Variants in EDDM13 observed in about 807,000 individuals in gnomAD.
EDDM13 encodes the protein epididymal protein 13.
Under a neutral mutation model 17.8 loss-of-function variants are expected in EDDM13, and 24 were observed. The observed-to-expected ratio is 1.35, with a 90% confidence interval of 0.98 to 1.90. The LOEUF is 1.90. EDDM13 is among the 40% of genes most tolerant of loss of function. The pLI is 0.00. For synonymous variants in EDDM13, 31 were observed against 37.5 expected, an observed-to-expected ratio of 0.83 and a Z score of 0.63; for missense variants, 97 against 100.8, an observed-to-expected ratio of 0.96 and a Z score of 0.16.
intron 2 of EDDM13, among the ~76,000 whole-genome samples, chr19:56,280,072 A>G (rs141857192): frequency 5.0e-4 from 76 of 152,306 alleles, no homozygotes; most frequent in African/African-American, 1.8e-3. Flanking sequence ...AAAGAATCTG[A>G]TATTAATTAT....
intron 2 of EDDM13, among the ~76,000 whole-genome samples, chr19:56,278,391 C>T (rs1291004346): frequency 6.6e-6 from 1 of 152,166 alleles, no homozygotes; most frequent in Non-Finnish European, 1.5e-5. Flanking sequence ...ACCTCGGTCT[C>T]CCAAAGTGCT....
chr19:56,306,294 C>T (rs2040683314), intron 14 of EDDM13, among the ~76,000 whole-genome samples: 1 of 152,086 alleles, frequency 6.6e-6, no homozygotes, highest in South Asian at 2.1e-4. Flanking sequence ...CTGGCCTCTC[C>T]CGCATCGCCA....
In EDDM13 at chr19:56,301,795, G is replaced by C. The variant is rs563963828; in HGVS notation, c.296-173G>C. 28 of 606,436 alleles carry C rather than the reference G, an allele frequency of 4.6e-5. No homozygotes were observed. The East Asian group carries it at 9.2e-4, about 20-fold the overall frequency. 37.6% of individuals were successfully genotyped at this position (606,436 alleles called of 1,614,324 possible). Reference sequence around the variant, plus strand: ...CTGACTGTTTGTCTGGAGTATGGTGGTAACCAAGAAGGGGGAAGCTGGCAG... The same window carrying C: ...CTGACTGTTTGTCTGGAGTATGGTGCTAACCAAGAAGGGGGAAGCTGGCAG... On this transcript the variant is annotated intron_variant, in intron 12 of 14. Transcript: ENST00000649256.
chr19:56,295,024 GGT>G (rs1476702967), intron 9 of EDDM13: 1 of 152,230 alleles, frequency 6.6e-6, no homozygotes, highest in Non-Finnish European at 1.5e-5. Flanking sequence ...AGGGGCACCA[GGT>G]TTGGAGGCAA....
At chr19:56,294,334 G>A (rs1352644775) in intron 9 of EDDM13, among the ~76,000 whole-genome samples, 2 of 152,224 alleles carry the variant, frequency 1.3e-5, no homozygotes, top group Non-Finnish European at 2.9e-5. Context: ...GAGTTTTAAG[G>A]CAAAGAGGCC....
rs556110139 is a variant in EDDM13, at chr19:56,286,377, C to T, written c.154+1353C>T. ...AAAACACTGCCCCCCATATTTTTTT[C>T]ACAGACGGACTGAACCCCAACAGGT... On this transcript the variant is annotated intron_variant, in intron 6 of 14. Coordinates refer to ENST00000649256, the MANE Select transcript of EDDM13 (RefSeq NM_001354658.2). The T allele has an allele frequency of 3.3e-5, 5 of 152,146 alleles. No individual in the cohort carries two copies. The South Asian group carries it at 8.3e-4, about 25-fold the overall frequency. 9.4% of individuals were successfully genotyped at this position (152,146 alleles called of 1,614,324 possible). A position where few individuals can be genotyped will look rare whatever the true frequency, so the allele number is the denominator to read the frequency against.
chr19:56,292,109 T>C (rs1036532864), intron 9 of EDDM13, among the ~76,000 whole-genome samples: 3 of 152,164 alleles, frequency 2.0e-5, no homozygotes, highest in African/African-American at 7.2e-5. Context: ...ACCACGGTGC[T>C]GTGCTTCCTC....
At chr19:56,301,772 G>C (rs1191319496) in intron 12 of EDDM13, among the ~76,000 whole-genome samples, 196 bp from the exon 13 acceptor site, 2 of 152,114 alleles carry the variant, frequency 1.3e-5, no homozygotes, top group South Asian at 4.2e-4. Flanking sequence ...AGGCATTCCT[G>C]ACTGTTTGTC....
chr19:56,298,451 C>T (rs2040020703), intron 12 of EDDM13, among the ~76,000 whole-genome samples: 1 of 152,010 alleles, frequency 6.6e-6, no homozygotes, highest in African/African-American at 2.4e-5. Context: ...TCCCACCCAA[C>T]ATGATGAAAC....
intron 13 of EDDM13, 149 bp downstream of exon 13, chr19:56,302,244 C>T (rs2040286993): frequency 4.6e-6 from 2 of 433,280 alleles, no homozygotes; most frequent in East Asian, 7.1e-5. Flanking sequence ...CTCTCTTCTT[C>T]CCACTCTCCC....
At chr19:56,278,613 T>A (rs2038443782) in intron 2 of EDDM13, among the ~76,000 whole-genome samples, 1 of 152,126 alleles carries the variant, frequency 6.6e-6, no homozygotes, top group African/African-American at 2.4e-5. Flanking sequence ...TGAGAACAAA[T>A]TTCTTAGGGG....
rs560331877 is a variant in EDDM13 at position 56,273,231 on chromosome 19, TG to T, written c.85+315del. Among the ~76,000 whole-genome samples, 32 of 152,336 alleles carry T rather than the reference TG, an allele frequency of 2.1e-4. No homozygotes were observed. In the South Asian group the frequency reaches 6.4e-3, roughly 31 times the overall value. Reference sequence around the variant, plus strand: ...GGGGCTCACAAGAATCCCCAGTTCATGGGACTGTTGCATGTCATTGACGAGC... The same window carrying T: ...GGGGCTCACAAGAATCCCCAGTTCATGGACTGTTGCATGTCATTGACGAGC... On this transcript the variant is annotated intron_variant, in intron 1 of 14. Transcript: ENST00000649256.
At chr19:56,296,761 T>A (rs1483387857) in intron 11 of EDDM13, among the ~76,000 whole-genome samples, 2 of 151,926 alleles carry the variant, frequency 1.3e-5, no homozygotes, top group Admixed American at 1.3e-4. Context: ...TGGCTGGGCA[T>A]GGTGGCTCAT....
chr19:56,305,605 G>A (rs964616413), intron 14 of EDDM13, among the ~76,000 whole-genome samples: 2 of 152,122 alleles, frequency 1.3e-5, no homozygotes, highest in African/African-American at 4.8e-5. Flanking sequence ...GAATTGCTAG[G>A]TCATATGATA....
chr19:56,302,127 G>A (rs1195544013), intron 13 of EDDM13, 32 bp downstream of exon 13: 1 of 1,228,146 alleles, frequency 8.1e-7, no homozygotes, highest in East Asian at 3.2e-5. Flanking sequence ...GGGGAGGAGT[G>A]TGAGGAGAGG....
At chr19:56,301,477 C>T (rs181326680) in intron 12 of EDDM13, among the ~76,000 whole-genome samples, 181 of 152,246 alleles carry the variant, frequency 1.2e-3, no homozygotes, top group Middle Eastern at 3.4e-3. Flanking sequence ...TCACTTGAAT[C>T]GCTATCTTGG....
At chr19:56,302,773 A>G in intron 13 of EDDM13, 1 of 395,432 alleles carries the variant, frequency 2.5e-6, no homozygotes. Flanking sequence ...ACACAGCCCC[A>G]GGGGCTCCTT....
At chr19:56,305,293 A>G (rs2040611531) in intron 14 of EDDM13, among the ~76,000 whole-genome samples, 2 of 152,202 alleles carry the variant, frequency 1.3e-5, no homozygotes, top group African/African-American at 4.8e-5. Flanking sequence ...TCTGTCTCTG[A>G]GAACTCACCT....
intron 1 of EDDM13, among the ~76,000 whole-genome samples, chr19:56,273,720 G>A (rs1255969153): frequency 5.3e-5 from 8 of 152,154 alleles, no homozygotes; most frequent in Admixed American, 2.6e-4. Flanking sequence ...ATGGTGGTGA[G>A]ACTGTTACAA....
Sources: gnomAD v4.1 joint callset for allele counts (sites outside exome capture counted in the v4.1 genomes callset) on GRCh38, gnomAD v4.1.1 for gene constraint, MANE v1.5 for transcripts, NCBI Gene and HGNC (gene_info 2026-07-23, HGNC 2026-07-21) for gene names.